The following ARHGAP26 variants were observed in gnomAD, a reference collection of about 807,000 sequenced individuals.
ARHGAP26 encodes Rho GTPase activating protein 26, also known as rho GTPase-activating protein 26.
A neutral mutation model predicts 104.8 loss-of-function variants in ARHGAP26; 38 were observed. The ratio of observed to expected loss-of-function variants is 0.36; its 90% confidence interval spans 0.28 to 0.48. The LOEUF (loss-of-function observed/expected upper bound fraction) is 0.48, where lower values mean the gene tolerates loss of function less well. Among genes scored for constraint, ARHGAP26 ranks in the 20% least tolerant of loss-of-function variants. The probability of loss-of-function intolerance (pLI) is 0.99; values close to 1 mark genes in which losing one functional copy is unlikely to be tolerated. For missense variants in ARHGAP26, 704 were observed against 947.9 expected (o/e 0.74, Z 3.38); for synonymous variants, 341 against 340.0 (o/e 1.00, Z -0.03).
chr5:142,887,452 T>C (rs1757875046), intron 5 of ARHGAP26, among the ~76,000 whole-genome samples: 1 of 152,252 alleles, frequency 6.6e-6, no homozygotes, highest in African/African-American at 2.4e-5. Flanking sequence ...GTATATTTAA[T>C]ATAAAATGTG....
intron 1 of ARHGAP26, among the ~76,000 whole-genome samples, chr5:142,797,821 C>A (rs1345635613): frequency 6.6e-6 from 1 of 152,148 alleles, no homozygotes; most frequent in Non-Finnish European, 1.5e-5. Context: ...TGGGGGAGTG[C>A]TTTTCAAACT....
chr5:142,917,990 A>C (rs1040303905), intron 10 of ARHGAP26, among the ~76,000 whole-genome samples: 3 of 152,154 alleles, frequency 2.0e-5, no homozygotes, highest in Non-Finnish European at 4.4e-5. Flanking sequence ...CAAATCCCTG[A>C]CACATAAGTC....
intron 20 of ARHGAP26, among the ~76,000 whole-genome samples, chr5:143,179,989 C>T (rs1186548825): frequency 2.0e-5 from 3 of 152,146 alleles, no homozygotes; most frequent in African/African-American, 7.2e-5. Flanking sequence ...TTAAAACCCT[C>T]AATTTGCTTT....
rs781126759 is a variant in ARHGAP26, at chr5:142,954,725, C to T, written c.1107+22600C>T. On this transcript the variant is annotated intron_variant, in intron 11 of 22. Coordinates refer to ENST00000645722, the MANE Select transcript of ARHGAP26 (RefSeq NM_001135608.3). ...TGACTAGTGTCCAGTGGTGATATGACGTCAACTCAGATGTGTTTCAGGTGT... is the reference window on the plus strand; with the variant it reads ...TGACTAGTGTCCAGTGGTGATATGATGTCAACTCAGATGTGTTTCAGGTGT... Among the ~76,000 whole-genome samples the T allele has an allele frequency of 1.5e-4, 23 of 152,178 alleles. 1 individual carries two copies. Among genetic ancestry groups the T allele is most frequent in the Admixed American group, 3.3e-4 (5 of 15,278 alleles).
intron 1 of ARHGAP26, among the ~76,000 whole-genome samples, chr5:142,846,085 A>G (rs1199120134): frequency 6.6e-6 from 1 of 152,218 alleles, no homozygotes; most frequent in Admixed American, 6.5e-5. Flanking sequence ...AAAGCCACGC[A>G]TTAGTTTCAA....
intron 10 of ARHGAP26, among the ~76,000 whole-genome samples, chr5:142,918,133 A>ATATTT (rs539195896): frequency 2.0e-5 from 3 of 151,906 alleles, no homozygotes; most frequent in East Asian, 1.9e-4. Context: ...ATTTTATTTT[A>ATATTT]TATTTTATTT....
intron 11 of ARHGAP26, among the ~76,000 whole-genome samples, chr5:142,976,009 C>G (rs1773026877): frequency 6.6e-6 from 1 of 152,182 alleles, no homozygotes; most frequent in South Asian, 2.1e-4. Flanking sequence ...CAGTACAGTA[C>G]AGTTTAAACA....
chr5:142,907,539 T>C (rs1410149257), intron 8 of ARHGAP26, 165 bp from the exon 9 acceptor site: 1 of 373,364 alleles, frequency 2.7e-6, no homozygotes, highest in Non-Finnish European at 5.0e-6. Flanking sequence ...TGGGATCAGA[T>C]TTCTGTCTAT....
At chr5:143,157,126 G>A (rs1043622868) in intron 20 of ARHGAP26, among the ~76,000 whole-genome samples, 1 of 152,000 alleles carries the variant, frequency 6.6e-6, no homozygotes, top group East Asian at 1.9e-4. Flanking sequence ...GGTACAGGAA[G>A]GGAAGGGGGC....
At chr5:142,875,610 G>A (rs1443676626) in intron 3 of ARHGAP26, among the ~76,000 whole-genome samples, 2 of 152,122 alleles carry the variant, frequency 1.3e-5, no homozygotes, top group Non-Finnish European at 2.9e-5. Context: ...GTGCCTGCCA[G>A]GTAGGAGGGA....
At chr5:143,131,165 A>G (rs1414143045) in intron 18 of ARHGAP26, among the ~76,000 whole-genome samples, 5 of 152,170 alleles carry the variant, frequency 3.3e-5, no homozygotes, top group Non-Finnish European at 4.4e-5. Context: ...GTTTGTTACC[A>G]TGTCTCTTCC....
intron 20 of ARHGAP26, chr5:143,170,398 A>G (rs867587141): frequency 1.3e-5 from 2 of 152,228 alleles, no homozygotes; most frequent in South Asian, 2.1e-4. Flanking sequence ...TTGTTGTGAC[A>G]TTGTCCAAAA....
chr5:142,951,572 G>A (rs1479087489), intron 11 of ARHGAP26, among the ~76,000 whole-genome samples: 2 of 152,208 alleles, frequency 1.3e-5, no homozygotes. Flanking sequence ...TTCAGGGCTT[G>A]ATTACTGTCA....
At chr5:143,076,203 G>A (rs942047631) in intron 17 of ARHGAP26, among the ~76,000 whole-genome samples, 36 of 84,804 alleles carry the variant, frequency 4.2e-4, no homozygotes, top group African/African-American at 1.6e-3. Context: ...TCATTATGTT[G>A]CCCAGGCTGG....
intron 18 of ARHGAP26, 50 bp from the exon 19 acceptor site, chr5:143,133,917 C>T (rs373332435): frequency 6.5e-7 from 1 of 1,543,676 alleles, no homozygotes; most frequent in Non-Finnish European, 8.8e-7. Flanking sequence ...GGCCTGTTTT[C>T]TTCCCAGTCC....
chr5:143,088,792 A>G (rs983508581), intron 17 of ARHGAP26, among the ~76,000 whole-genome samples: 4 of 152,184 alleles, frequency 2.6e-5, no homozygotes, highest in Admixed American at 6.5e-5. Flanking sequence ...TCGTTCCCCT[A>G]TTGGCTAGGG....
At chr5:143,178,572 GACTGGCT>G (rs111770258) in intron 20 of ARHGAP26, among the ~76,000 whole-genome samples, 31 of 152,302 alleles carry the variant, frequency 2.0e-4, no homozygotes, top group African/African-American at 7.0e-4. Context: ...CCTGCCCCTT[GACTGGCT>G]TAGGTGCCAC....
At chr5:143,028,815 T>C (rs1188490951) in intron 12 of ARHGAP26, among the ~76,000 whole-genome samples, 4 of 152,156 alleles carry the variant, frequency 2.6e-5, no homozygotes, top group African/African-American at 7.2e-5. Flanking sequence ...CTTTAGTTAA[T>C]ATTAAAGTTA....
chr5:142,938,445 G>A (rs1765771601), intron 11 of ARHGAP26, among the ~76,000 whole-genome samples: 1 of 152,108 alleles, frequency 6.6e-6, no homozygotes, highest in South Asian at 2.1e-4. Context: ...AATTGGACAC[G>A]GAAACCTTAG....
Sources: allele counts gnomAD v4.1 joint callset (sites outside exome capture counted in the v4.1 genomes callset), GRCh38; gene constraint gnomAD v4.1.1; transcripts MANE v1.5; gene names NCBI Gene and HGNC (gene_info 2026-07-23, HGNC 2026-07-21).